Variants in PI4KA observed in about 807,000 individuals in gnomAD.
PI4KA encodes the protein PI4-kinase alpha.
Under a neutral mutation model 271.4 loss-of-function variants are expected in PI4KA, and 122 were observed. The observed-to-expected ratio is 0.45, with a 90% CI of 0.39 to 0.52. The LOEUF (loss-of-function observed/expected upper bound fraction) is 0.52. Ranked by LOEUF, PI4KA falls within the 20% of genes least tolerant of loss-of-function variation. The probability of loss-of-function intolerance (pLI) is 0.00; values close to 1 mark genes in which losing one functional copy is unlikely to be tolerated. For missense variants in PI4KA, 1,969 were observed against 2,769.1 expected, an observed-to-expected ratio of 0.71 and a Z score of 6.48; for synonymous variants, 1,041 against 1,078.8, an observed-to-expected ratio of 0.96 and a Z score of 0.69.
At chr22:20,808,573 G>C (rs537588616) in intron 9 of PI4KA, among the ~76,000 whole-genome samples, 1 of 140,272 alleles carries the variant, frequency 7.1e-6, no homozygotes, top group African/African-American at 2.7e-5. Context: ...CTGGGTGACA[G>C]AGTGAGACTC....
At chr22:20,752,769 C>T (rs1046026724) in intron 25 of PI4KA, 134 bp downstream of exon 25, 2 of 873,088 alleles carry the variant, frequency 2.3e-6, no homozygotes, top group African/African-American at 3.4e-5. Flanking sequence ...AGGGAGGCTG[C>T]ATCACCCTTA....
chr22:20,729,871 A>G (rs1927807637), intron 37 of PI4KA, 21 bp downstream of exon 37: 2 of 1,613,922 alleles, frequency 1.2e-6, no homozygotes, highest in Non-Finnish European at 1.7e-6. Flanking sequence ...TGATGGCCCC[A>G]GCAGCACACC....
intron 7 of PI4KA, among the ~76,000 whole-genome samples, chr22:20,816,781 A>G (rs165640): frequency 0.49 from 74,182 of 152,120 alleles, 18,606 homozygotes; most frequent in African/African-American, 0.59. Flanking sequence ...GCGGCAGCCA[A>G]GTCTGATGGA....
At chr22:20,811,788 C>T (rs568883920) in intron 8 of PI4KA, among the ~76,000 whole-genome samples, 64 of 151,852 alleles carry the variant, frequency 4.2e-4, no homozygotes, top group South Asian at 2.9e-3. Context: ...CCGAGGCAGG[C>T]GGATAATGAG....
Position 20,727,769 on chromosome 22 carries a change from A to G in PI4KA, c.4773+5T>C. ...ACTCAGGCCCTGGTACGTGGGCTAC[A>G]CTACCTTGATTGCTTCAGGCACATC... On this transcript the variant is annotated splice_donor_5th_base_variant and intron_variant, in intron 40 of 54. Transcript: ENST00000255882. 4 of 1,611,150 alleles carry G rather than the reference A, an allele frequency of 2.5e-6. No individual in the cohort carries two copies. The highest frequency in any genetic ancestry group is 3.4e-6 in the Non-Finnish European group (4 of 1,177,316).
chr22:20,784,381 G>A, intron 19 of PI4KA: 1 of 1,190,338 alleles, frequency 8.4e-7, no homozygotes, highest in South Asian at 1.3e-5. Flanking sequence ...GGGCCACTCT[G>A]TTAATTCAGC....
intron 19 of PI4KA, among the ~76,000 whole-genome samples, chr22:20,776,659 G>A (rs1038899199): frequency 1.3e-5 from 2 of 152,208 alleles, no homozygotes; most frequent in Admixed American, 6.5e-5. Context: ...AAGGCTGAGC[G>A]CTTGATGTGG....
Position 20,713,363 on chromosome 22 carries a change from T to A in PI4KA, c.5489A>T (p.Asp1830Val), listed in dbSNP as rs1925570344. ...EGLRCRSDSE[D>V]ECSTQEADGQ... ...GTCGGCCTCCTGCGTGCTGCACTCA[T>A]CCTCGGAGTCTGAGCGGCACCGCAG... Residue 1830 changes from aspartate (D) to valine (V), a missense_variant, in exon 48 of 55, where the codon GAT (aspartate) becomes GTT (valine). Coordinates refer to ENST00000255882, the MANE Select transcript of PI4KA (RefSeq NM_058004.4). 1 of 1,592,186 alleles carries A rather than the reference T, an allele frequency of 6.3e-7. No individual in the cohort carries two copies. The highest frequency in any genetic ancestry group is 1.1e-5 in the South Asian group (1 of 88,156).
At chr22:20,858,482 G>A in intron 1 of PI4KA, 88 bp downstream of exon 1, 1 of 982,868 alleles carries the variant, frequency 1.0e-6, no homozygotes, top group Non-Finnish European at 1.3e-6. Context: ...GCCCAGCCTC[G>A]GCCTCCCACA....
At chr22:20,828,124 A>C (rs1448712453) in intron 3 of PI4KA, among the ~76,000 whole-genome samples, 6 of 152,056 alleles carry the variant, frequency 3.9e-5, no homozygotes, top group African/African-American at 1.4e-4. Context: ...AATATTGTGA[A>C]TGGGACTGTG....
chr22:20,735,831 A>T (rs1156584128), intron 32 of PI4KA, among the ~76,000 whole-genome samples: 1 of 152,194 alleles, frequency 6.6e-6, no homozygotes, highest in Admixed American at 6.5e-5. Context: ...TTTCCTGCAG[A>T]CCGATTAGTC....
chr22:20,716,903 C>T (rs1385097574), intron 45 of PI4KA, among the ~76,000 whole-genome samples: 1 of 152,170 alleles, frequency 6.6e-6, no homozygotes, highest in Non-Finnish European at 1.5e-5. Context: ...CCGCTGTGAA[C>T]ATCTGCACAG....
chr22:20,726,383 G>T, intron 42 of PI4KA, 105 bp downstream of exon 42: 2 of 970,872 alleles, frequency 2.1e-6, no homozygotes, highest in South Asian at 2.0e-5. Context: ...CCCTGCCCCT[G>T]AGGAGGCTCT....
At chr22:20,732,351 G>C (rs867572729) in intron 36 of PI4KA, among the ~76,000 whole-genome samples, 1 of 152,208 alleles carries the variant, frequency 6.6e-6, no homozygotes, top group Non-Finnish European at 1.5e-5. Context: ...CTGCACTCTA[G>C]CCTGGGAGAA....
chr22:20,736,883 C>T (rs1191970294), intron 32 of PI4KA: 1 of 153,360 alleles, frequency 6.5e-6, no homozygotes, highest in East Asian at 1.9e-4. Context: ...ATGAGAGGGA[C>T]CTCGCTGACA....
intron 7 of PI4KA, 48 bp downstream of exon 7, chr22:20,818,435 G>A (rs373550536): frequency 2.8e-5 from 39 of 1,411,440 alleles, no homozygotes; most frequent in Non-Finnish European, 3.7e-5. Context: ...CTGTGAGCCT[G>A]TTCTCCAAGT....
At position 20,793,242 on chromosome 22, in the gene PI4KA, G is replaced by T; in HGVS notation, c.2279C>A (p.Ala760Asp). 1 of 1,553,496 alleles carries T rather than the reference G, an allele frequency of 6.4e-7. No individual in the cohort carries two copies. Among genetic ancestry groups the T allele is most frequent in the Non-Finnish European group, 8.9e-7 (1 of 1,125,426 alleles). Residue 760 changes from alanine (A) to aspartate (D), a missense_variant and splice_region_variant, in exon 19 of 55, where the codon GCT becomes GAT. Ala to Asp is a moderately radical substitution (Grantham distance 126). Around this residue, in one of 13 missense-constraint regions of PI4KA, gnomAD observed 368 missense variants for 544.3 expected, o/e 0.68. Coordinates refer to ENST00000255882, the MANE Select transcript of PI4KA (RefSeq NM_058004.4). ...TCCCAAGTTCCCTGCACTGCTAGAA[G>T]CCTAGAAAAGAACAGAATTATTGTC... ...RASEKGPALK[A>D]SSSAGNLGVL...
At chr22:20,808,134 T>C (rs902923219) in intron 9 of PI4KA, among the ~76,000 whole-genome samples, 6 of 151,570 alleles carry the variant, frequency 4.0e-5, no homozygotes, top group Admixed American at 1.3e-4. Flanking sequence ...CTACTAAAAA[T>C]ACAAAATTAG....
At chr22:20,752,200 C>A (rs527981935) in intron 25 of PI4KA, among the ~76,000 whole-genome samples, 8 of 152,310 alleles carry the variant, frequency 5.3e-5, no homozygotes, top group Middle Eastern at 6.8e-3. Context: ...CAGCTGTGAC[C>A]CACCAGTGGC....
Sources: allele counts gnomAD v4.1 joint callset (sites outside exome capture counted in the v4.1 genomes callset), GRCh38; gene constraint gnomAD v4.1.1; regional missense constraint gnomAD v4.1.1; transcripts MANE v1.5; gene names NCBI Gene and HGNC (gene_info 2026-07-23, HGNC 2026-07-21).